CTIF: variants seen among roughly 807,000 people sequenced by gnomAD.
CTIF encodes the protein CBP80/20-dependent translation initiation factor.
CTIF carries 21 observed loss-of-function variants against 66.0 expected under a neutral mutation model. The observed-to-expected ratio is 0.32, with a 90% CI of 0.23 to 0.46. CTIF has a LOEUF of 0.46. CTIF is among the 20% of genes least tolerant of loss of function. The pLI is 1.00. For synonymous variants in CTIF, 345 were observed against 326.4 expected, an observed-to-expected ratio of 1.06 and a Z score of -0.62; for missense variants, 739 against 812.7, an observed-to-expected ratio of 0.91 and a Z score of 1.10.
rs911746359 is a variant in CTIF at position 48,570,492 on chromosome 18, C to T, written c.-29+31180C>T. On this transcript the variant is annotated intron_variant, in intron 1 of 11. Coordinates refer to ENST00000256413, the MANE Select transcript of CTIF (RefSeq NM_014772.3). ...ATGGAAGCCTTAGTCCCTGCCCTGG[C>T]GTGACGCACAGGCTAACGGAGGAGA... Among the ~76,000 whole-genome samples, 4 of 152,234 alleles carry T rather than the reference C, an allele frequency of 2.6e-5. No individual in the cohort carries two copies. In the South Asian group the frequency reaches 6.2e-4, roughly 24 times the overall value.
chr18:48,726,512 T>C (rs997743808), intron 7 of CTIF, among the ~76,000 whole-genome samples: 15 of 152,162 alleles, frequency 9.9e-5, no homozygotes, highest in African/African-American at 3.6e-4. Flanking sequence ...CCCAAGCAGT[T>C]GGAGAACAGC....
chr18:48,782,458 A>G (rs1161583245), intron 9 of CTIF, among the ~76,000 whole-genome samples: 1 of 152,152 alleles, frequency 6.6e-6, no homozygotes, highest in African/African-American at 2.4e-5. Context: ...CCTGGAAATC[A>G]GCCCTCTCTG....
At chr18:48,687,219 A>G (rs2091854164) in intron 6 of CTIF, among the ~76,000 whole-genome samples, 1 of 151,756 alleles carries the variant, frequency 6.6e-6, no homozygotes, top group Admixed American at 6.6e-5. Context: ...CAGGTTGTAT[A>G]GAGAGGATAA....
chr18:48,703,331 G>T (rs956488516), intron 6 of CTIF, among the ~76,000 whole-genome samples: 12 of 152,194 alleles, frequency 7.9e-5, no homozygotes, highest in Admixed American at 7.2e-4. Flanking sequence ...GCTGCAAGGT[G>T]TGCCTGGTGA....
Position 48,833,927 on chromosome 18 carries a change from C to A in CTIF, c.1527+16551C>A, listed in dbSNP as rs182769708. On this transcript the variant is annotated intron_variant, in intron 10 of 11. Coordinates refer to ENST00000256413, the MANE Select transcript of CTIF (RefSeq NM_014772.3). ...CAAAAGATTCCAAATGTTGGCCCAG[C>A]GCAGAGCAGGACTCTCTCAGATTCC... Among the ~76,000 whole-genome samples the A allele has an allele frequency of 3.8e-4, 58 of 152,300 alleles. 1 individual carries two copies. Among genetic ancestry groups the A allele is most frequent in the Admixed American group, 3.1e-3 (47 of 15,308 alleles).
chr18:48,598,273 A>G (rs1392579368), intron 1 of CTIF, among the ~76,000 whole-genome samples: 2 of 152,200 alleles, frequency 1.3e-5, no homozygotes, highest in African/African-American at 4.8e-5. Context: ...ACAAACGAAC[A>G]ATCAAAACCA....
At chr18:48,635,567 T>C (rs765647429) in intron 2 of CTIF, among the ~76,000 whole-genome samples, 6 of 152,054 alleles carry the variant, frequency 3.9e-5, no homozygotes, top group Non-Finnish European at 5.9e-5. Context: ...GTTCAAGTGA[T>C]CTCCTGTCTT....
chr18:48,680,154 A>G (rs1458980964), intron 6 of CTIF, among the ~76,000 whole-genome samples: 1 of 152,232 alleles, frequency 6.6e-6, no homozygotes, highest in African/African-American at 2.4e-5. Context: ...ATCTCCCTCC[A>G]GGCACCAGGG....
intron 7 of CTIF, among the ~76,000 whole-genome samples, chr18:48,713,307 G>A (rs1053001386): frequency 1.1e-4 from 17 of 152,134 alleles, no homozygotes; most frequent in African/African-American, 3.9e-4. Context: ...CGAGCTTCCT[G>A]ATGAGAAGTC....
At chr18:48,628,691 CG>C (rs2090647122) in intron 2 of CTIF, among the ~76,000 whole-genome samples, 1 of 152,144 alleles carries the variant, frequency 6.6e-6, no homozygotes, top group South Asian at 2.1e-4. Flanking sequence ...GAGTAAGTGG[CG>C]GAGCTGAGAT....
At chr18:48,734,637 A>G (rs1300807130) in intron 7 of CTIF, among the ~76,000 whole-genome samples, 1 of 152,222 alleles carries the variant, frequency 6.6e-6, no homozygotes, top group Non-Finnish European at 1.5e-5. Context: ...GTTCATCATC[A>G]CGGCAACATT....
chr18:48,762,654 C>T (rs1909122000), intron 9 of CTIF, among the ~76,000 whole-genome samples: 1 of 152,196 alleles, frequency 6.6e-6, no homozygotes, highest in Admixed American at 6.5e-5. Flanking sequence ...GAATGGCAGG[C>T]TATAGGGCCA....
chr18:48,541,788 A>G (rs963412149), intron 1 of CTIF, among the ~76,000 whole-genome samples: 20 of 152,116 alleles, frequency 1.3e-4, no homozygotes, highest in African/African-American at 4.6e-4. Flanking sequence ...TGCTAGAATA[A>G]TAATATGTTT....
chr18:48,615,356 C>G (rs1310901277), intron 1 of CTIF, among the ~76,000 whole-genome samples: 1 of 152,228 alleles, frequency 6.6e-6, no homozygotes. Context: ...TGAGATGAAG[C>G]TTGGGGCTTT....
intron 9 of CTIF, among the ~76,000 whole-genome samples, chr18:48,772,454 A>G (rs1326396959): frequency 6.6e-6 from 1 of 151,980 alleles, no homozygotes; most frequent in Non-Finnish European, 1.5e-5. Context: ...ACCCCAAACA[A>G]AAGCCATGTA....
chr18:48,785,410 C>T (rs577389961), intron 9 of CTIF, among the ~76,000 whole-genome samples: 5 of 152,352 alleles, frequency 3.3e-5, no homozygotes, highest in South Asian at 2.1e-4. Flanking sequence ...CCCACCACTG[C>T]GGCCTGCACT....
At chr18:48,671,049 C>T (rs2091525584) in intron 6 of CTIF, among the ~76,000 whole-genome samples, 1 of 152,152 alleles carries the variant, frequency 6.6e-6, no homozygotes, top group Non-Finnish European at 1.5e-5. Flanking sequence ...TGTCCCTTGG[C>T]CTGAAACCTC....
At chr18:48,731,001 G>T (rs1157810198) in intron 7 of CTIF, among the ~76,000 whole-genome samples, 1 of 152,116 alleles carries the variant, frequency 6.6e-6, no homozygotes, top group Admixed American at 6.5e-5. Context: ...AGTTGGGGGA[G>T]AAGAGAAAAG....
Position 48,752,293 on chromosome 18 carries a change from G to A in CTIF, c.585-5626G>A, listed in dbSNP as rs143577252. On this transcript the variant is annotated intron_variant, in intron 7 of 11. Coordinates refer to ENST00000256413, the MANE Select transcript of CTIF (RefSeq NM_014772.3). ...TGCATGCTGGCCCTCTCCTCTCAGC[G>A]TTGTTAGGAGGGAGTGCTCAGGAAG... Among the ~76,000 whole-genome samples, 56 of 152,248 alleles carry A rather than the reference G, an allele frequency of 3.7e-4. 1 individual carries two copies. The highest frequency in any genetic ancestry group is 1.9e-3 in the South Asian group (9 of 4,816).
Sources: gnomAD v4.1 joint callset for allele counts (sites outside exome capture counted in the v4.1 genomes callset) on GRCh38, gnomAD v4.1.1 for gene constraint, MANE v1.5 for transcripts, NCBI Gene and HGNC (gene_info 2026-07-23, HGNC 2026-07-21) for gene names.